PPP1R12B: variants seen among roughly 807,000 people sequenced by gnomAD.
PPP1R12B encodes the protein myosin phosphatase target subunit 2.
PPP1R12B carries 76 observed loss-of-function variants against 126.1 expected under a neutral mutation model. The ratio of observed to expected loss-of-function variants is 0.60; its 90% CI spans 0.50 to 0.73. The LOEUF (loss-of-function observed/expected upper bound fraction) is 0.73. Among genes scored for constraint, PPP1R12B ranks in the 30% least tolerant of loss-of-function variants. The pLI, the probability that PPP1R12B is intolerant of heterozygous loss-of-function variation, is 0.00. For synonymous variants in PPP1R12B, 356 were observed against 434.7 expected (o/e 0.82, Z 2.25); for missense variants, 1,052 against 1,205.1 (o/e 0.87, Z 1.88).
At chr1:202,443,718 T>A (rs1671904623) in intron 12 of PPP1R12B, among the ~76,000 whole-genome samples, 1 of 152,216 alleles carries the variant, frequency 6.6e-6, no homozygotes, top group African/African-American at 2.4e-5. Context: ...TATAGTTGAA[T>A]CCAAGATCAA....
chr1:202,506,808 A>G (rs1680854351), intron 18 of PPP1R12B, among the ~76,000 whole-genome samples: 2 of 152,246 alleles, frequency 1.3e-5, no homozygotes, highest in South Asian at 4.1e-4. Context: ...TTCATGAAGT[A>G]TAGAAAAATA....
At position 202,585,604 on chromosome 1, in the gene PPP1R12B, ATTCT is replaced by A. The variant is rs1352661403; in HGVS notation, c.*5049_*5052del. The A allele has an allele frequency of 7.2e-5, 11 of 152,228 alleles. No homozygotes were observed. The highest frequency in any genetic ancestry group is 2.1e-4 in the South Asian group (1 of 4,832). 9.4% of individuals were successfully genotyped at this position (152,228 alleles called of 1,614,324 possible). ...ATTTATTGGGATTTCTGCTTCAAAA[ATTCT>A]TTCTAACCTCAAAAATCCAAGTCCA... On this transcript the variant is annotated 3_prime_UTR_variant, in exon 24 of 24. Coordinates refer to ENST00000608999, the MANE Select transcript of PPP1R12B (RefSeq NM_002481.4).
intron 19 of PPP1R12B, among the ~76,000 whole-genome samples, chr1:202,560,827 T>A (rs1269601414): frequency 1.3e-5 from 2 of 152,140 alleles, no homozygotes; most frequent in East Asian, 3.8e-4. Flanking sequence ...ATATAAAATT[T>A]AAAATCTCTA....
At chr1:202,365,992 C>T (rs547769604) in intron 1 of PPP1R12B, among the ~76,000 whole-genome samples, 56 of 151,558 alleles carry the variant, frequency 3.7e-4, no homozygotes, top group African/African-American at 1.1e-3. Flanking sequence ...CCTGTCCCTC[C>T]ACTCCCGCCC....
intron 1 of PPP1R12B, among the ~76,000 whole-genome samples, chr1:202,356,887 T>C (rs1009080258): frequency 6.6e-6 from 1 of 150,860 alleles, no homozygotes; most frequent in Non-Finnish European, 1.5e-5. Flanking sequence ...AGTGGCACAA[T>C]CTTGGCTCAC....
chr1:202,580,616 T>G lies in PPP1R12B; in HGVS notation c.*56T>G, dbSNP rs1244387788. 3.6e-5 allele frequency: 50 copies of G among 1,400,798 alleles called. 1 individual carries two copies. The highest frequency in any genetic ancestry group is 4.8e-5 in the Non-Finnish European group (47 of 987,328). The allele number at this position is 1,400,798 out of a possible 1,614,324, so 86.8% of individuals were successfully genotyped here. On this transcript the variant is annotated 3_prime_UTR_variant, in exon 24 of 24. Coordinates refer to ENST00000608999, the MANE Select transcript of PPP1R12B (RefSeq NM_002481.4). ...GGACAGCATTTGCTGCCCCCACCCCTCTTTTCCAGTCCTTGCCTTCCAACC... is the reference window on the plus strand; with the variant it reads ...GGACAGCATTTGCTGCCCCCACCCCGCTTTTCCAGTCCTTGCCTTCCAACC...
chr1:202,458,916 G>C (rs1673972946), intron 13 of PPP1R12B, among the ~76,000 whole-genome samples: 1 of 152,226 alleles, frequency 6.6e-6, no homozygotes, highest in South Asian at 2.1e-4. Flanking sequence ...CAAAGTAGTA[G>C]AAGGTTCTCT....
intron 22 of PPP1R12B, 56 bp downstream of exon 22, chr1:202,567,887 C>A: frequency 5.7e-6 from 9 of 1,587,510 alleles, no homozygotes; most frequent in Non-Finnish European, 7.8e-6. Context: ...TTCTGACTCT[C>A]TCCCACTTTG....
At chr1:202,384,742 A>G (rs1662860269) in intron 1 of PPP1R12B, among the ~76,000 whole-genome samples, 1 of 152,254 alleles carries the variant, frequency 6.6e-6, no homozygotes. Flanking sequence ...ATAAAAGACA[A>G]TTAAAAAATT....
intron 12 of PPP1R12B, among the ~76,000 whole-genome samples, chr1:202,445,624 A>G (rs945374489): frequency 4.6e-4 from 70 of 152,292 alleles, no homozygotes; most frequent in African/African-American, 1.5e-3. Flanking sequence ...CTTTTAAATG[A>G]CATGCAAACC....
chr1:202,377,909 G>C (rs1661508997), intron 1 of PPP1R12B, among the ~76,000 whole-genome samples: 1 of 130,316 alleles, frequency 7.7e-6, no homozygotes, highest in Admixed American at 8.6e-5. Flanking sequence ...GCGCGATCTC[G>C]GCTCACTGCA....
intron 1 of PPP1R12B, among the ~76,000 whole-genome samples, chr1:202,395,211 C>A (rs1032790230): frequency 1.3e-5 from 2 of 151,902 alleles, no homozygotes; most frequent in Non-Finnish European, 2.9e-5. Context: ...AGTTAGGAAC[C>A]CACAGCATTA....
rs557956478 is a variant in PPP1R12B at position 202,568,330 on chromosome 1, A to T, written c.2811+499A>T. 2.8e-3 allele frequency among the ~76,000 whole-genome samples: 421 copies of T among 152,160 alleles called. 3 individuals are homozygous for T. Among genetic ancestry groups the T allele is most frequent in the African/African-American group, 9.9e-3 (411 of 41,482 alleles). On this transcript the variant is annotated intron_variant, in intron 22 of 23. Transcript: ENST00000608999. ...TTCACTTATTTTGACTGAGGGGAGG[A>T]TTTCTGGTTCAATTGCTGATCTCCT...
intron 13 of PPP1R12B, among the ~76,000 whole-genome samples, chr1:202,469,591 G>A (rs1394252003): frequency 6.6e-6 from 1 of 152,092 alleles, no homozygotes; most frequent in Non-Finnish European, 1.5e-5. Flanking sequence ...ACGGTTATGA[G>A]ACTTTATGCA....
Position 202,442,473 on chromosome 1 carries a change from G to T in PPP1R12B, c.1568G>T (p.Ser523Ile), listed in dbSNP as rs1447986179. 5.6e-6 allele frequency: 9 copies of T among 1,613,356 alleles called. No individual in the cohort carries two copies. The highest frequency in any genetic ancestry group is 7.6e-6 in the Non-Finnish European group (9 of 1,179,764). ...GAATCAGCTGTTAATCTAGTGAGGA[G>T]TGGCTCCTATACCCGGCAGCTATGG... The part of the protein sequence containing the change: ...NRESAVNLVR[S>I]GSYTRQLWRD... Residue 523 changes from serine to isoleucine, a missense_variant, in exon 12 of 24, where the codon AGT (serine) becomes ATT (isoleucine). Physicochemically the swap from Ser to Ile is moderately radical, Grantham distance 142. Coordinates refer to ENST00000608999, the MANE Select transcript of PPP1R12B (RefSeq NM_002481.4).
intron 13 of PPP1R12B, among the ~76,000 whole-genome samples, chr1:202,465,834 G>C (rs1474593833): frequency 1.3e-5 from 2 of 152,154 alleles, no homozygotes; most frequent in African/African-American, 4.8e-5. Flanking sequence ...ATGATTCACA[G>C]TCCTTGCGCA....
chr1:202,435,844 G>A (rs950087376), intron 9 of PPP1R12B, among the ~76,000 whole-genome samples: 13 of 152,170 alleles, frequency 8.5e-5, no homozygotes, highest in Admixed American at 2.6e-4. Context: ...AAGCATCATC[G>A]TGAATAATTA....
intron 18 of PPP1R12B, among the ~76,000 whole-genome samples, chr1:202,532,831 G>A (rs1381755195): frequency 7.9e-5 from 10 of 126,922 alleles, no homozygotes; most frequent in African/African-American, 3.0e-5. Flanking sequence ...AAGAATTGCT[G>A]TATACCCTTT....
rs377748886 is a variant in PPP1R12B at position 202,485,720 on chromosome 1, C to G, written c.1851-2813C>G. On this transcript the variant is annotated intron_variant, in intron 13 of 23. Transcript: ENST00000608999. ...TCTTCCACAGGGATTTTGCTGTTCC[C>G]CTAGTGCTCTCCCGAGTACTTCTTT... Among the ~76,000 whole-genome samples, 7 of 152,232 alleles carry G rather than the reference C, an allele frequency of 4.6e-5. No homozygotes were observed. In the East Asian group the frequency reaches 9.6e-4, roughly 21 times the overall value.
Sources: gnomAD v4.1 joint callset for allele counts (sites outside exome capture counted in the v4.1 genomes callset) on GRCh38, gnomAD v4.1.1 for gene constraint, MANE v1.5 for transcripts, NCBI Gene and HGNC (gene_info 2026-07-23, HGNC 2026-07-21) for gene names.